Variants in CTTNBP2 observed in about 807,000 individuals in gnomAD.
The protein encoded by CTTNBP2 is cortactin-binding protein 2.
In CTTNBP2, 108 loss-of-function variants were observed where a neutral mutation model predicts 156.9. That is an observed-to-expected ratio of 0.69 (90% CI 0.59 to 0.81). The LOEUF is 0.81. Among genes scored for constraint, CTTNBP2 ranks in the 30% least tolerant of loss-of-function variants. The pLI is 0.00. For synonymous variants in CTTNBP2, 767 were observed against 751.8 expected (o/e 1.02, Z -0.33); for missense variants, 1,924 against 2,035.4 (o/e 0.95, Z 1.05).
intron 8 of CTTNBP2, among the ~76,000 whole-genome samples, chr7:117,776,968 G>GA (rs1798138753): frequency 6.6e-6 from 1 of 152,202 alleles, no homozygotes; most frequent in Non-Finnish European, 1.5e-5. Context: ...ACTAACATCA[G>GA]AAAAACATGA....
intron 4 of CTTNBP2, among the ~76,000 whole-genome samples, chr7:117,785,435 A>T (rs1798656774): frequency 6.6e-6 from 1 of 152,196 alleles, no homozygotes; most frequent in African/African-American, 2.4e-5. Context: ...TCAAAATAAG[A>T]CATTTTCCGC....
intron 2 of CTTNBP2, among the ~76,000 whole-genome samples, chr7:117,855,497 T>C (rs1487205144): frequency 6.6e-6 from 1 of 152,298 alleles, no homozygotes; most frequent in African/African-American, 2.4e-5. Flanking sequence ...CAGCAGCAAT[T>C]TGGTCCCCCA....
At chr7:117,737,119 G>C (rs1206926635) in intron 14 of CTTNBP2, among the ~76,000 whole-genome samples, 1 of 152,002 alleles carries the variant, frequency 6.6e-6, no homozygotes, top group Non-Finnish European at 1.5e-5. Flanking sequence ...ACTTGTGGAG[G>C]GCTGCTAACA....
At chr7:117,798,109 A>C (rs1387956027) in intron 3 of CTTNBP2, among the ~76,000 whole-genome samples, 3 of 152,168 alleles carry the variant, frequency 2.0e-5, no homozygotes, top group African/African-American at 7.2e-5. Context: ...CAATGGTGAT[A>C]ATTTTCTCTA....
chr7:117,783,917 T>C (rs1031723719), intron 5 of CTTNBP2, among the ~76,000 whole-genome samples: 2 of 152,186 alleles, frequency 1.3e-5, no homozygotes, highest in African/African-American at 4.8e-5. Context: ...GCTAAAACTT[T>C]CCCTCACTGT....
At chr7:117,829,686 G>A (rs1223510162) in intron 2 of CTTNBP2, among the ~76,000 whole-genome samples, 1 of 152,160 alleles carries the variant, frequency 6.6e-6, no homozygotes, top group Admixed American at 6.5e-5. Flanking sequence ...CTGCCTCTGT[G>A]CTACAGTAAA....
rs1231594205 is a variant in CTTNBP2, at chr7:117,792,306, G to C, written c.890C>G (p.Thr297Arg). ...AACAGACCTTGTCACAGTTCCTTCT[G>C]TTCCCACAGATATGGAAACCAAACG... The part of the protein sequence containing the change: ...DRRLVSISVG[T>R]EGTVTRSVAC... Residue 297 changes from threonine to arginine, a missense_variant, in exon 4 of 23, where the codon ACA becomes AGA. Thr to Arg is a moderately conservative substitution (Grantham distance 71). Transcript: ENST00000160373. This position sits in a 1 kb window ranked among gnomAD's most constrained non-coding sequence, Gnocchi z 4.2. 2 of 1,614,216 alleles carry C rather than the reference G, an allele frequency of 1.2e-6. No individual in the cohort carries two copies. The highest frequency in any genetic ancestry group is 1.7e-6 in the Non-Finnish European group (2 of 1,180,030).
intron 16 of CTTNBP2, among the ~76,000 whole-genome samples, chr7:117,730,894 G>A (rs897302763): frequency 2.6e-5 from 4 of 152,074 alleles, no homozygotes; most frequent in African/African-American, 4.8e-5. Context: ...TTATTTTTTC[G>A]GTTAGGATGA....
At chr7:117,756,666 T>G in intron 11 of CTTNBP2, 32 bp from the exon 12 acceptor site, 1 of 1,331,150 alleles carries the variant, frequency 7.5e-7, no homozygotes, top group Non-Finnish European at 1.1e-6. Context: ...GAAAAATGGG[T>G]GTTCCCTTGT....
intron 8 of CTTNBP2, among the ~76,000 whole-genome samples, chr7:117,768,191 A>C (rs920894723): frequency 2.6e-5 from 4 of 151,974 alleles, no homozygotes; most frequent in African/African-American, 4.8e-5. Flanking sequence ...GCCTTTTCTT[A>C]TCTTTCTGTA....
intron 2 of CTTNBP2, among the ~76,000 whole-genome samples, chr7:117,827,734 A>G (rs559764424): frequency 2.0e-5 from 3 of 152,216 alleles, no homozygotes; most frequent in Non-Finnish European, 4.4e-5. Flanking sequence ...CCCACACACA[A>G]AATTTAAAAA....
chr7:117,860,419 C>T (rs1196111134), intron 2 of CTTNBP2, among the ~76,000 whole-genome samples: 3 of 151,854 alleles, frequency 2.0e-5, no homozygotes, highest in East Asian at 1.9e-4. Context: ...CTCGACTCAC[C>T]GCAAGCTCCA....
At position 117,791,723 on chromosome 7, in the gene CTTNBP2, A is replaced by C. The variant is rs1799027449; in HGVS notation, c.1473T>G (p.Thr491=). The change falls in exon 4 of 23, where the codon ACT becomes ACG. Residue 491 remains threonine, a synonymous_variant. Transcript: ENST00000160373. ...TAAATCTTGACAGTGCTTGGGTCAC[A>C]GTATTCCGAGCTAGTTGTTTGGCCA... ...NLVAKQLARN[T]VTQALSRFTS... is the part of the protein sequence containing the mutation. 1 of 1,614,212 alleles carries C rather than the reference A, an allele frequency of 6.2e-7. No homozygotes were observed. Among genetic ancestry groups the C allele is most frequent in the Middle Eastern group, 1.6e-4 (1 of 6,062 alleles).
At position 117,825,061 on chromosome 7, in the gene CTTNBP2, G is replaced by A. The variant is rs554222485; in HGVS notation, c.190-14072C>T. 2.0e-5 allele frequency among the ~76,000 whole-genome samples: 3 copies of A among 152,266 alleles called. No homozygotes were observed. The South Asian group carries it at 6.2e-4, about 32-fold the overall frequency. ...TCTTTCTGAATATATTTACTGCCCA[G>A]CTGGTTGCCATTAAAATGCTTAATA... is the stretch of plus-strand genomic sequence containing the variant. On this transcript the variant is annotated intron_variant, in intron 2 of 22. Transcript: ENST00000160373.
At chr7:117,776,429 C>T (rs1197853817) in intron 8 of CTTNBP2, among the ~76,000 whole-genome samples, 1 of 152,168 alleles carries the variant, frequency 6.6e-6, no homozygotes, top group Non-Finnish European at 1.5e-5. Flanking sequence ...TAAATTAAGA[C>T]CAAACTCCTT....
intron 2 of CTTNBP2, among the ~76,000 whole-genome samples, chr7:117,846,189 A>G (rs1802577351): frequency 2.6e-5 from 4 of 152,168 alleles, no homozygotes; most frequent in Admixed American, 2.6e-4. Flanking sequence ...CTCATAGCTA[A>G]TGGAAAAACA....
At chr7:117,873,267 TG>T in intron 1 of CTTNBP2, 67 bp downstream of exon 1, 1 of 1,200,700 alleles carries the variant, frequency 8.3e-7, no homozygotes, top group Non-Finnish European at 1.1e-6. Context: ...CGGGTCCGGC[TG>T]GGACCCCGGC....
chr7:117,811,533 G>A (rs1390427697), intron 2 of CTTNBP2, among the ~76,000 whole-genome samples: 1 of 152,072 alleles, frequency 6.6e-6, no homozygotes, highest in African/African-American at 2.4e-5. Context: ...AAACTCCTGG[G>A]CTCAAGTAAT....
rs1345261018 is a variant in CTTNBP2, at chr7:117,756,755, CA to C, written c.3269-122del. Reference sequence around the variant, plus strand: ...TGTTGACTTATGTAGGCAGAGCTGACATTTGGCCAGGAGGCACCAATGTGCC... The same window carrying C: ...TGTTGACTTATGTAGGCAGAGCTGACTTTGGCCAGGAGGCACCAATGTGCC... On this transcript the variant is annotated intron_variant, in intron 11 of 22. Coordinates refer to ENST00000160373, the MANE Select transcript of CTTNBP2 (RefSeq NM_033427.3). 6.7e-6 allele frequency: 5 copies of C among 745,070 alleles called. No homozygotes were observed. In the East Asian group the frequency reaches 1.3e-4, roughly 19 times the overall value. The allele number at this position is 745,070 out of a possible 1,614,324, so 46.2% of individuals were successfully genotyped here. A position where few individuals can be genotyped will look rare whatever the true frequency, so the allele number is the denominator to read the frequency against.
Sources: gnomAD v4.1 joint callset for allele counts (sites outside exome capture counted in the v4.1 genomes callset) on GRCh38, gnomAD v4.1.1 for gene constraint, Gnocchi (gnomAD v3.1) non-coding constraint, MANE v1.5 for transcripts, NCBI Gene and HGNC (gene_info 2026-07-23, HGNC 2026-07-21) for gene names.